Variants in FSTL4 observed in about 807,000 individuals in gnomAD.
FSTL4 encodes the protein follistatin-related protein 4.
FSTL4 carries 28 observed loss-of-function variants against 78.2 expected under a neutral mutation model. The ratio of observed to expected loss-of-function variants is 0.36; its 90% CI spans 0.27 to 0.49. The LOEUF (loss-of-function observed/expected upper bound fraction) is 0.49, where lower values mean the gene tolerates loss of function less well. FSTL4 is among the 20% of genes least tolerant of loss of function. The pLI is 0.98. For missense variants in FSTL4, 922 were observed against 1,084.9 expected, an observed-to-expected ratio of 0.85 and a Z score of 2.11; for synonymous variants, 422 against 440.5, an observed-to-expected ratio of 0.96 and a Z score of 0.53.
chr5:133,619,061 G>A, the FSTL4 span, among the ~76,000 whole-genome samples: 3 of 152,254 alleles, frequency 2.0e-5, no homozygotes, highest in East Asian at 5.8e-4. Context: ...CTTCAGCATG[G>A]TCTAAGCCAA....
the FSTL4 span, among the ~76,000 whole-genome samples, chr5:133,733,100 A>G: frequency 6.6e-6 from 1 of 152,222 alleles, no homozygotes; most frequent in Non-Finnish European, 1.5e-5. Flanking sequence ...CTTATCCTCA[A>G]GGTAGTTTTC....
At chr5:133,496,383 A>G (rs1485413954) in intron 3 of FSTL4, among the ~76,000 whole-genome samples, 3 of 152,108 alleles carry the variant, frequency 2.0e-5, no homozygotes, top group Non-Finnish European at 2.9e-5. Flanking sequence ...TCTCATGCTA[A>G]CCCCCTTCAG....
At chr5:133,359,911 T>TA (rs1755033586) in intron 4 of FSTL4, among the ~76,000 whole-genome samples, 1 of 152,248 alleles carries the variant, frequency 6.6e-6, no homozygotes, top group African/African-American at 2.4e-5. Flanking sequence ...GAAAGGCCTC[T>TA]ACCTGACTCC....
In FSTL4 at chr5:133,241,856, C is replaced by A. The variant is rs73275919; in HGVS notation, c.894+7554G>T. The stretch of plus-strand genomic sequence containing the variant: ...TTTCAGCTCCTGACTCTAACTTGGA[C>A]CACACTCACAGCCATGACAGCTGAT... On this transcript the variant is annotated intron_variant, in intron 7 of 15. Coordinates refer to ENST00000265342, the MANE Select transcript of FSTL4 (RefSeq NM_015082.2). Among the ~76,000 whole-genome samples the A allele has an allele frequency of 6.6e-3, 1,012 of 152,294 alleles. 16 individuals carry two copies. Among genetic ancestry groups the A allele is most frequent in the African/African-American group, 0.023 (972 of 41,546 alleles).
At chr5:133,230,264 C>T (rs1203695027) in intron 8 of FSTL4, among the ~76,000 whole-genome samples, 1 of 152,110 alleles carries the variant, frequency 6.6e-6, no homozygotes, top group East Asian at 1.9e-4. Context: ...CTGGGCTCAC[C>T]CCCAGCGTCT....
At chr5:133,326,114 C>T (rs375328731) in intron 4 of FSTL4, among the ~76,000 whole-genome samples, 3 of 152,204 alleles carry the variant, frequency 2.0e-5, no homozygotes, top group East Asian at 1.9e-4. Context: ...TAGGAGCTGC[C>T]GTAACTTTGC....
chr5:133,221,912 T>TTG (rs1751136914), intron 11 of FSTL4, among the ~76,000 whole-genome samples: 1 of 113,968 alleles, frequency 8.8e-6, no homozygotes, highest in African/African-American at 4.6e-5. Flanking sequence ...TTTTTTTTTT[T>TTG]TTTTTTTTTT....
At chr5:133,421,374 G>C (rs1274622177) in intron 3 of FSTL4, among the ~76,000 whole-genome samples, 1 of 152,244 alleles carries the variant, frequency 6.6e-6, no homozygotes, top group Non-Finnish European at 1.5e-5. Flanking sequence ...CTCTACATTT[G>C]CCTTCTGCAG....
chr5:133,703,506 C>A, the FSTL4 span, among the ~76,000 whole-genome samples: 1 of 152,160 alleles, frequency 6.6e-6, no homozygotes, highest in Admixed American at 6.5e-5. Flanking sequence ...CTGCAGCAGG[C>A]CCAACTGACG....
chr5:133,210,310 A>AG lies in FSTL4; in HGVS notation c.1609-13_1609-12insC. 6.9e-7 allele frequency: 1 copy of AG among 1,455,124 alleles called. No homozygotes were observed. Among genetic ancestry groups the AG allele is most frequent in the East Asian group, 2.3e-5 (1 of 44,232 alleles). The allele number at this position is 1,455,124 out of a possible 1,614,324, so 90.1% of individuals were successfully genotyped here. On this transcript the variant is annotated splice_polypyrimidine_tract_variant and intron_variant, in intron 13 of 15. Coordinates refer to ENST00000265342, the MANE Select transcript of FSTL4 (RefSeq NM_015082.2). ...TCCACACCTATGGACTTGAAAAAAAATAGTGACATGTTGTGAAAGCTGACA... is the reference window on the plus strand; with the variant it reads ...TCCACACCTATGGACTTGAAAAAAAAGTAGTGACATGTTGTGAAAGCTGACA...
chr5:133,229,784 G>A (rs1030632271), intron 8 of FSTL4, among the ~76,000 whole-genome samples: 1 of 152,190 alleles, frequency 6.6e-6, no homozygotes, highest in African/African-American at 2.4e-5. Flanking sequence ...TCAATACTGT[G>A]CAGCCAAAGT....
intron 2 of FSTL4, among the ~76,000 whole-genome samples, chr5:133,589,300 A>AAAAAAAAAAAAAAAT (rs1208142898): frequency 1.3e-5 from 2 of 148,422 alleles, no homozygotes; most frequent in African/African-American, 5.0e-5. Flanking sequence ...AAAAAAAAAA[A>AAAAAAAAAAAAAAAT]AGATCAAGGC....
At chr5:133,512,185 T>A (rs998969267) in intron 3 of FSTL4, among the ~76,000 whole-genome samples, 2 of 152,236 alleles carry the variant, frequency 1.3e-5, no homozygotes, top group African/African-American at 2.4e-5. Flanking sequence ...AGCGTCACTC[T>A]TTCCCTGGGG....
chr5:133,699,680 G>A, the FSTL4 span, among the ~76,000 whole-genome samples: 1 of 152,062 alleles, frequency 6.6e-6, no homozygotes, highest in African/African-American at 2.4e-5. Context: ...AGGAGATCGA[G>A]ACCATCCTGT....
intron 3 of FSTL4, among the ~76,000 whole-genome samples, chr5:133,522,684 C>T (rs192937908): frequency 2.0e-5 from 3 of 152,352 alleles, no homozygotes; most frequent in Admixed American, 6.5e-5. Flanking sequence ...CCAATTGACA[C>T]GTTCTTAGCA....
intron 6 of FSTL4, among the ~76,000 whole-genome samples, chr5:133,284,943 C>T (rs1364076031): frequency 6.6e-6 from 1 of 152,038 alleles, no homozygotes; most frequent in East Asian, 1.9e-4. Flanking sequence ...GGCTAGGGCA[C>T]GAGACCTAAC....
At chr5:133,702,992 G>A in the FSTL4 span, among the ~76,000 whole-genome samples, 1 of 152,212 alleles carries the variant, frequency 6.6e-6, no homozygotes. Context: ...ACCGTGATCT[G>A]TCTGCTCCCA....
At chr5:133,795,091 C>T in the FSTL4 span, among the ~76,000 whole-genome samples, 3 of 152,266 alleles carry the variant, frequency 2.0e-5, no homozygotes, top group African/African-American at 7.2e-5. Context: ...GCCTAAGCAG[C>T]TGCAGGTGAT....
the FSTL4 span, among the ~76,000 whole-genome samples, chr5:133,840,075 C>T: frequency 7.7e-3 from 1,171 of 152,298 alleles, 14 homozygotes; most frequent in African/African-American, 0.026. Context: ...CAAAACCTTC[C>T]TTCTACCCTT....
Sources: allele counts gnomAD v4.1 joint callset (sites outside exome capture counted in the v4.1 genomes callset), GRCh38; gene constraint gnomAD v4.1.1; transcripts MANE v1.5; gene names NCBI Gene and HGNC (gene_info 2026-07-23, HGNC 2026-07-21).